Variants in SMARCB1 observed in about 807,000 individuals in gnomAD.
SMARCB1 encodes SWI/SNF-related matrix-associated actin-dependent regulator of chromatin subfamily B member 1.
SMARCB1 carries 5 observed loss-of-function variants against 49.0 expected under a neutral mutation model. The observed-to-expected ratio is 0.10, with a 90% CI of 0.05 to 0.21. The LOEUF is 0.21. Ranked by LOEUF, SMARCB1 falls within the 10% of genes least tolerant of loss-of-function variation. The pLI, the probability that SMARCB1 is intolerant of heterozygous loss-of-function variation, is 1.00. For synonymous variants in SMARCB1, 201 were observed against 200.1 expected (o/e 1.00, Z -0.04); for missense variants, 226 against 509.2 (o/e 0.44, Z 5.35).
intron 4 of SMARCB1, 149 bp downstream of exon 4, chr22:23,801,230 G>A (rs1929135967): frequency 8.8e-7 from 1 of 1,132,636 alleles, no homozygotes; most frequent in Non-Finnish European, 1.3e-6. Flanking sequence ...GAACTGTTGT[G>A]TTTCCCTGAC....
At chr22:23,828,021 A>G (rs1220603856) in intron 7 of SMARCB1, among the ~76,000 whole-genome samples, 1 of 152,146 alleles carries the variant, frequency 6.6e-6, no homozygotes, top group Non-Finnish European at 1.5e-5. Flanking sequence ...GGTCTCTGCC[A>G]CACAGAAAGC....
intron 6 of SMARCB1, chr22:23,818,552 A>G (rs572682652): frequency 3.3e-5 from 5 of 152,194 alleles, no homozygotes; most frequent in Non-Finnish European, 7.3e-5. Flanking sequence ...CAGTGGCAGT[A>G]TATTCACATC....
In SMARCB1 at chr22:23,835,160, A is replaced by T; in HGVS notation, c.*980A>T. 7.6e-7 allele frequency: 1 copy of T among 1,316,990 alleles called. No homozygotes were observed. Among genetic ancestry groups the T allele is most frequent in the Non-Finnish European group, 9.7e-7 (1 of 1,036,216 alleles). The allele number at this position is 1,316,990 out of a possible 1,614,324, so 81.6% of individuals were successfully genotyped here. On this transcript the variant is annotated 3_prime_UTR_variant, in exon 9 of 9. Transcript: ENST00000644036. ...CTCTTGGAGTTGACACGGTACAGGG[A>T]GGAGACACAGCCCAGGGTCCCTTCC...
chr22:23,793,066 TC>T (rs1027134981), intron 2 of SMARCB1: 10 of 231,342 alleles, frequency 4.3e-5, no homozygotes, highest in African/African-American at 2.0e-4. Context: ...GTGAAGCAGC[TC>T]TTTCCAACTC....
At chr22:23,819,951 C>G (rs181948784) in intron 6 of SMARCB1, among the ~76,000 whole-genome samples, 38 of 152,088 alleles carry the variant, frequency 2.5e-4, no homozygotes, top group Admixed American at 1.9e-3. Flanking sequence ...TTCAGCCTCT[C>G]GAGGAGGAGC....
intron 4 of SMARCB1, 135 bp from the exon 5 acceptor site, chr22:23,803,160 T>C (rs1929273236): frequency 8.4e-7 from 1 of 1,184,020 alleles, no homozygotes; most frequent in Non-Finnish European, 1.2e-6. Context: ...GTCTGCTGCC[T>C]CAGCTGTTAG....
Position 23,835,068 on chromosome 22 carries a change from G to C in SMARCB1, c.*888G>C. 7.2e-7 allele frequency: 1 copy of C among 1,397,512 alleles called. No homozygotes were observed. The highest frequency in any genetic ancestry group is 9.3e-7 in the Non-Finnish European group (1 of 1,078,850). The allele number at this position is 1,397,512 out of a possible 1,614,324, so 86.6% of individuals were successfully genotyped here. On this transcript the variant is annotated 3_prime_UTR_variant, in exon 9 of 9. Coordinates refer to ENST00000644036, the MANE Select transcript of SMARCB1 (RefSeq NM_003073.5). ...CCCACCCCAGCAGGTGCTGTGGCCTGGGCCAGCTCCTGCCTTACAAGCCAG... is the reference window on the plus strand; with the variant it reads ...CCCACCCCAGCAGGTGCTGTGGCCTCGGCCAGCTCCTGCCTTACAAGCCAG...
In SMARCB1 at chr22:23,833,507, C is replaced by T. The variant is rs577618501; in HGVS notation, c.987-65C>T. 13 of 1,609,936 alleles carry T rather than the reference C, an allele frequency of 8.1e-6. No individual in the cohort carries two copies. The Admixed American group carries it at 2.0e-4, about 25-fold the overall frequency. ...AGCAGGGCACAGACAGGGGCCAAAGCTTTCTGAGGATTCTCCATCTATAGC... is the reference window on the plus strand; with the variant it reads ...AGCAGGGCACAGACAGGGGCCAAAGTTTTCTGAGGATTCTCCATCTATAGC... On this transcript the variant is annotated intron_variant, in intron 7 of 8. Coordinates refer to ENST00000644036, the MANE Select transcript of SMARCB1 (RefSeq NM_003073.5).
Position 23,835,878 on chromosome 22 carries a change from C to G in SMARCB1, c.*1698C>G. ...AGGCTGGGCCCTCACTCCTGACCGC[C>G]AGCTCACACCGCCGCAAAGCCATCT... On this transcript the variant is annotated 3_prime_UTR_variant, in exon 9 of 9. Transcript: ENST00000644036. 6 of 985,516 alleles carry G rather than the reference C, an allele frequency of 6.1e-6. No individual in the cohort carries two copies. The highest frequency in any genetic ancestry group is 4.7e-5 in the South Asian group (1 of 21,290). The allele number at this position is 985,516 out of a possible 1,614,324, so 61.0% of individuals were successfully genotyped here.
chr22:23,799,140 A>G (rs866992166), intron 3 of SMARCB1, among the ~76,000 whole-genome samples: 2 of 151,952 alleles, frequency 1.3e-5, no homozygotes, highest in South Asian at 2.1e-4. Context: ...GGGGTTACAC[A>G]GGGAAGTGAC....
At chr22:23,818,047 A>G (rs1177974350) in intron 6 of SMARCB1, 3 of 152,122 alleles carry the variant, frequency 2.0e-5, no homozygotes, top group Non-Finnish European at 4.4e-5. Flanking sequence ...TCTGGTCTCA[A>G]ACTCCTTACC....
chr22:23,828,540 G>C (rs1239637768), intron 7 of SMARCB1, among the ~76,000 whole-genome samples: 1 of 152,096 alleles, frequency 6.6e-6, no homozygotes, highest in East Asian at 2.0e-4. Context: ...CGTAATCCCA[G>C]CTACTCGGGA....
At chr22:23,826,417 C>T (rs1428243085) in intron 7 of SMARCB1, among the ~76,000 whole-genome samples, 1 of 146,312 alleles carries the variant, frequency 6.8e-6, no homozygotes, top group Non-Finnish European at 1.5e-5. Flanking sequence ...AGAGCGAGAC[C>T]CTGTCTCCAA....
At chr22:23,797,188 C>T (rs1413095985) in intron 3 of SMARCB1, among the ~76,000 whole-genome samples, 6 of 147,698 alleles carry the variant, frequency 4.1e-5, no homozygotes, top group East Asian at 4.0e-4. Context: ...TTAGTAGAGA[C>T]GGGGTTTCAC....
chr22:23,788,174 A>G (rs868165272), intron 1 of SMARCB1, among the ~76,000 whole-genome samples: 1 of 152,044 alleles, frequency 6.6e-6, no homozygotes, highest in Non-Finnish European at 1.5e-5. Context: ...ACACCCGGCC[A>G]TATATTAGGT....
intron 7 of SMARCB1, 156 bp downstream of exon 7, chr22:23,825,571 C>G: frequency 1.5e-6 from 1 of 656,452 alleles, no homozygotes; most frequent in Non-Finnish European, 2.7e-6. Context: ...TCCTCCTGCC[C>G]TATGTATCTC....
intron 5 of SMARCB1, among the ~76,000 whole-genome samples, chr22:23,805,630 C>T (rs574608169): frequency 2.6e-4 from 39 of 152,210 alleles, no homozygotes; most frequent in Non-Finnish European, 4.3e-4. Context: ...CTCAGCCTCC[C>T]GAGTAGCTGG....
intron 5 of SMARCB1, among the ~76,000 whole-genome samples, chr22:23,809,937 G>A (rs764336027): frequency 1.8e-3 from 264 of 147,038 alleles, no homozygotes; most frequent in Middle Eastern, 0.016. Flanking sequence ...TTGGGAGGCC[G>A]AGGCGGGCGG....
intron 3 of SMARCB1, among the ~76,000 whole-genome samples, chr22:23,799,729 C>G (rs2145976138): frequency 7.6e-6 from 1 of 130,876 alleles, no homozygotes; most frequent in South Asian, 2.6e-4. Context: ...CTGTCTCCCA[C>G]TCTGGAGTGC....
Sources: allele counts gnomAD v4.1 joint callset (sites outside exome capture counted in the v4.1 genomes callset), GRCh38; gene constraint gnomAD v4.1.1; transcripts MANE v1.5; gene names NCBI Gene and HGNC (gene_info 2026-07-23, HGNC 2026-07-21).